Variants in SOAT2 observed in about 807,000 individuals in gnomAD.
SOAT2 encodes ACAT-2.
In SOAT2, 87 loss-of-function variants were observed where a neutral mutation model predicts 76.0. The observed-to-expected ratio is 1.14, with a 90% CI of 0.96 to 1.37. SOAT2 has a LOEUF of 1.37. SOAT2 is among the 40% of genes most tolerant of loss of function. The probability of loss-of-function intolerance (pLI) is 0.00; values close to 1 mark genes in which losing one functional copy is unlikely to be tolerated. For synonymous variants in SOAT2, 285 were observed against 275.4 expected (o/e 1.03, Z -0.34); for missense variants, 686 against 682.1 (o/e 1.01, Z -0.06).
At chr12:53,116,766 G>C (rs544137206) in intron 7 of SOAT2, among the ~76,000 whole-genome samples, 1 of 151,474 alleles carries the variant, frequency 6.6e-6, no homozygotes, top group Admixed American at 6.6e-5. Context: ...TGTGTGGAAG[G>C]CTGAGGTGAG....
At chr12:53,121,777 A>G (rs187486317) in intron 12 of SOAT2, among the ~76,000 whole-genome samples, 33 of 142,204 alleles carry the variant, frequency 2.3e-4, no homozygotes, top group African/African-American at 8.7e-4. Flanking sequence ...CTAAGTCCCA[A>G]TGGGATAGTA....
chr12:53,116,011 C>G, intron 6 of SOAT2, 86 bp from the exon 7 acceptor site: 1 of 1,214,252 alleles, frequency 8.2e-7, no homozygotes, highest in Non-Finnish European at 1.2e-6. Context: ...CTGCCTGCCT[C>G]TCAGAGGTAA....
At chr12:53,116,204 T>A in intron 7 of SOAT2, 38 bp downstream of exon 7, 1 of 1,567,896 alleles carries the variant, frequency 6.4e-7, no homozygotes. Flanking sequence ...AACTCAGTCC[T>A]CTTGGCTGAC....
At chr12:53,120,651 G>T in intron 10 of SOAT2, 135 bp from the exon 11 acceptor site, 54 of 560,572 alleles carry the variant, frequency 9.6e-5, no homozygotes, top group East Asian at 1.7e-4. Context: ...GCATAAATTT[G>T]TGAATTACCA....
At chr12:53,117,248 A>T (rs768346772) in intron 7 of SOAT2, among the ~76,000 whole-genome samples, 2 of 142,072 alleles carry the variant, frequency 1.4e-5, no homozygotes, top group Non-Finnish European at 1.5e-5. Flanking sequence ...GGCATGAGCC[A>T]CCGCGCCCGG....
chr12:53,104,289 CT>C (rs777784995), intron 2 of SOAT2, 83 bp downstream of exon 2: 84,843 of 509,270 alleles, frequency 0.17, 16 homozygotes, highest in South Asian at 0.21. Context: ...ATAAAGATGA[CT>C]TTTTTTTTTT....
At chr12:53,112,039 T>C (rs1938020710) in intron 5 of SOAT2, among the ~76,000 whole-genome samples, 1 of 152,218 alleles carries the variant, frequency 6.6e-6, no homozygotes. Flanking sequence ...GGGCAGATCT[T>C]ACACTGAATC....
In SOAT2 at chr12:53,123,781, C is replaced by T; in HGVS notation, c.1426C>T (p.Leu476=). 1 of 1,614,158 alleles carries T rather than the reference C, an allele frequency of 6.2e-7. No homozygotes were observed. Among genetic ancestry groups the T allele is most frequent in the Non-Finnish European group, 8.5e-7 (1 of 1,180,026 alleles). Residue 476 remains leucine, a synonymous_variant, in exon 14 of 15, where the codon CTG becomes TTG. Coordinates refer to ENST00000301466, the MANE Select transcript of SOAT2 (RefSeq NM_003578.4). ...GCGCACCGGCCCGGCATGGAACGTG[C>T]TGATGTGGACCATGCTGTTTCTAGG... ...DQRTGPAWNV[L]MWTMLFLGQG...
At position 53,124,354 on chromosome 12, in the gene SOAT2, G is replaced by T. The variant is rs1239865116; in HGVS notation, c.*231G>T. The T allele has an allele frequency of 6.7e-6, 4 of 593,516 alleles. No individual in the cohort carries two copies. Among genetic ancestry groups the T allele is most frequent in the Non-Finnish European group, 1.2e-5 (4 of 332,190 alleles). The allele number at this position is 593,516 out of a possible 1,614,324, so 36.8% of individuals were successfully genotyped here. On this transcript the variant is annotated 3_prime_UTR_variant, in exon 15 of 15. Transcript: ENST00000301466. ...GTGACTCTTCAATCCCTATCCCCAT[G>T]GGCTGGGTACAGGATATCCTCCTAC...
chr12:53,118,361 C>T lies in SOAT2; in HGVS notation c.790C>T (p.Gln264Ter), dbSNP rs1410210425. The change falls in exon 8 of 15, where the codon CAG becomes TAG. Residue 264 changes from glutamine to a stop codon, truncating the protein, a stop_gained. Transcript: ENST00000301466. LOFTEE classifies it high-confidence loss of function. The stretch of plus-strand genomic sequence containing the variant: ...TCATTCCTCCCCAGGTGAGGGGATC[C>T]AGGCCCCCAGTTTCTCCAGCTACCT... ...TLRARRGEGI[Q>*]APSFSSYLYF... 2 of 1,613,052 alleles carry T rather than the reference C, an allele frequency of 1.2e-6. No individual in the cohort carries two copies. The highest frequency in any genetic ancestry group is 2.2e-5 in the East Asian group (1 of 44,830).
At chr12:53,109,417 C>T (rs1937981095) in intron 5 of SOAT2, among the ~76,000 whole-genome samples, 1 of 152,008 alleles carries the variant, frequency 6.6e-6, no homozygotes, top group Non-Finnish European at 1.5e-5. Context: ...TTTTTGGTAC[C>T]AAATAAGCCA....
intron 5 of SOAT2, among the ~76,000 whole-genome samples, chr12:53,111,058 T>A (rs1050623896): frequency 6.6e-6 from 1 of 152,192 alleles, no homozygotes; most frequent in Non-Finnish European, 1.5e-5. Flanking sequence ...GACAAGTTTA[T>A]GAGTATTTAT....
chr12:53,118,944 A>G lies in SOAT2; in HGVS notation c.909+9A>G, dbSNP rs977368501. ...CCAAGAACTTTGCCCAGGTGAGAAGATAGGGTAGAAGGGTGGACCTGTGAC... is the reference window on the plus strand; with the variant it reads ...CCAAGAACTTTGCCCAGGTGAGAAGGTAGGGTAGAAGGGTGGACCTGTGAC... On this transcript the variant is annotated intron_variant, in intron 9 of 14. Transcript: ENST00000301466. The G allele has an allele frequency of 6.2e-7, 1 of 1,613,890 alleles. No homozygotes were observed. Among genetic ancestry groups the G allele is most frequent in the Non-Finnish European group, 8.5e-7 (1 of 1,179,964 alleles).
At chr12:53,111,857 T>C (rs780465462) in intron 5 of SOAT2, among the ~76,000 whole-genome samples, 7 of 152,250 alleles carry the variant, frequency 4.6e-5, no homozygotes, top group Non-Finnish European at 7.3e-5. Flanking sequence ...ATTTAAGTGC[T>C]TTTATTTTTC....
chr12:53,123,656 C>T, intron 13 of SOAT2, 72 bp from the exon 14 acceptor site: 3 of 1,572,354 alleles, frequency 1.9e-6, no homozygotes, highest in Non-Finnish European at 2.6e-6. Context: ...TCCCAATACC[C>T]TGGAATGGGA....
chr12:53,103,951 C>T (rs1204327932), intron 1 of SOAT2, among the ~76,000 whole-genome samples, 200 bp from the exon 2 acceptor site: 1 of 152,194 alleles, frequency 6.6e-6, no homozygotes, highest in South Asian at 2.1e-4. Flanking sequence ...TGTCACCAGG[C>T]CCCCTGCTTG....
intron 5 of SOAT2, among the ~76,000 whole-genome samples, chr12:53,108,642 C>T (rs1937970648): frequency 6.6e-6 from 1 of 152,214 alleles, no homozygotes; most frequent in Non-Finnish European, 1.5e-5. Flanking sequence ...AAAAAGATCA[C>T]TTCAATCTCC....
intron 12 of SOAT2, 43 bp downstream of exon 12, chr12:53,121,444 G>T: frequency 6.7e-7 from 1 of 1,491,964 alleles, no homozygotes; most frequent in Non-Finnish European, 9.4e-7. Flanking sequence ...AGTTAATAGG[G>T]GCTCTCCTTC....
rs1414473930 is a variant in SOAT2, at chr12:53,120,886, G to A, written c.1137+3G>A. 1 of 1,612,918 alleles carries A rather than the reference G, an allele frequency of 6.2e-7. No individual in the cohort carries two copies. The highest frequency in any genetic ancestry group is 1.1e-5 in the South Asian group (1 of 91,056). ...TTGGAGACAGGATGTTCTACCGGGTGGGGCCTGGACCTAGGCCAGTTGGAA... is the reference window on the plus strand; with the variant it reads ...TTGGAGACAGGATGTTCTACCGGGTAGGGCCTGGACCTAGGCCAGTTGGAA... On this transcript the variant is annotated splice_donor_region_variant and intron_variant, in intron 11 of 14. Coordinates refer to ENST00000301466, the MANE Select transcript of SOAT2 (RefSeq NM_003578.4).
Sources: allele counts gnomAD v4.1 joint callset (sites outside exome capture counted in the v4.1 genomes callset), GRCh38; gene constraint gnomAD v4.1.1; transcripts MANE v1.5; gene names NCBI Gene and HGNC (gene_info 2026-07-23, HGNC 2026-07-21).